ZNF541: variants seen among roughly 807,000 people sequenced by gnomAD.
ZNF541 encodes the protein zinc finger protein 541.
A neutral mutation model predicts 123.5 loss-of-function variants in ZNF541; 23 were observed. The observed-to-expected ratio is 0.19, with a 90% CI of 0.13 to 0.26. The LOEUF (loss-of-function observed/expected upper bound fraction) is 0.26. Among genes scored for constraint, ZNF541 ranks in the 10% least tolerant of loss-of-function variants. The pLI is 1.00. For synonymous variants in ZNF541, 751 were observed against 754.5 expected (o/e 1.00, Z 0.08); for missense variants, 1,612 against 1,789.9 (o/e 0.90, Z 1.79).
At chr19:47,529,229 T>C (rs966985518) in intron 13 of ZNF541, among the ~76,000 whole-genome samples, 191 bp from the exon 14 acceptor site, 3 of 152,186 alleles carry the variant, frequency 2.0e-5, no homozygotes, top group African/African-American at 7.2e-5. Context: ...ATGTGGCAAC[T>C]GAGGCTTCAG....
chr19:47,521,399 T>A lies in ZNF541; in HGVS notation c.3888-22A>T. ...CACCCTGAGGAGTCACCAGAGGACA[T>A]GGGGTCAGAGCAGGGAGGAAGGGAT... is the stretch of plus-strand genomic sequence containing the variant. On this transcript the variant is annotated intron_variant, in intron 16 of 16. Coordinates refer to ENST00000391901, the MANE Select transcript of ZNF541 (RefSeq NM_001277075.3). The surrounding 1 kb of genome is among the most constrained non-coding windows in gnomAD (Gnocchi z 4.2). The A allele has an allele frequency of 6.4e-7, 1 of 1,551,528 alleles. No individual in the cohort carries two copies. The highest frequency in any genetic ancestry group is 8.7e-7 in the Non-Finnish European group (1 of 1,146,832).
chr19:47,561,707 T>C (rs1446009077), intron 2 of ZNF541, among the ~76,000 whole-genome samples: 1 of 147,050 alleles, frequency 6.8e-6, no homozygotes, highest in Non-Finnish European at 1.5e-5. Context: ...GTTTTTTGTT[T>C]TCTGTTTTGT....
intron 2 of ZNF541, among the ~76,000 whole-genome samples, chr19:47,569,479 C>T (rs187912645): frequency 1.2e-4 from 18 of 152,216 alleles, no homozygotes; most frequent in South Asian, 6.2e-4. Context: ...GAAACCCTTA[C>T]GCTTGCCCGC....
At chr19:47,541,688 A>G (rs995009178) in intron 5 of ZNF541, among the ~76,000 whole-genome samples, 2 of 152,238 alleles carry the variant, frequency 1.3e-5, no homozygotes, top group Non-Finnish European at 2.9e-5. Flanking sequence ...GGAAATACAA[A>G]TCAAAACCAC....
intron 2 of ZNF541, among the ~76,000 whole-genome samples, chr19:47,565,446 C>G (rs149433987): frequency 1.3e-5 from 2 of 152,170 alleles, no homozygotes; most frequent in African/African-American, 4.8e-5. Flanking sequence ...AAAAGGACTA[C>G]TTAATTGCTT....
intron 9 of ZNF541, among the ~76,000 whole-genome samples, chr19:47,533,733 C>T (rs1325135102): frequency 6.6e-6 from 1 of 152,108 alleles, no homozygotes; most frequent in Non-Finnish European, 1.5e-5. Context: ...ATCCCAGCTA[C>T]TTGGGAGGCT....
At position 47,571,987 on chromosome 19, in the gene ZNF541, T is replaced by C. The variant is rs907191952; in HGVS notation, c.-190A>G. Among the ~76,000 whole-genome samples the C allele has an allele frequency of 2.0e-5, 3 of 152,166 alleles. No individual in the cohort carries two copies. The highest frequency in any genetic ancestry group is 2.9e-5 in the Non-Finnish European group (2 of 68,038). ...TTCAGGTGACAAGCAGACCACTGGA[T>C]ATGTCCTCCTGGAACACTGAGTGGT... is the stretch of plus-strand genomic sequence containing the variant. On this transcript the variant is annotated 5_prime_UTR_variant, in exon 2 of 17. The change creates a new upstream start codon in the 5' untranslated region. Coordinates refer to ENST00000391901, the MANE Select transcript of ZNF541 (RefSeq NM_001277075.3).
At chr19:47,531,541 C>T in intron 12 of ZNF541, 101 bp downstream of exon 12, 1 of 906,804 alleles carries the variant, frequency 1.1e-6, no homozygotes, top group Non-Finnish European at 1.6e-6. Flanking sequence ...GGCCTTCTTC[C>T]AGCTTCCATC....
intron 14 of ZNF541, 144 bp downstream of exon 14, chr19:47,528,806 T>C (rs1026197767): frequency 7.9e-6 from 5 of 634,360 alleles, no homozygotes. Flanking sequence ...AGGATAGCTT[T>C]TTGACATTGT....
intron 1 of ZNF541, among the ~76,000 whole-genome samples, chr19:47,572,456 G>T (rs917686884): frequency 1.4e-4 from 22 of 152,172 alleles, no homozygotes; most frequent in African/African-American, 5.3e-4. Context: ...AATTTTGCTG[G>T]AAAGTGATCC....
chr19:47,556,949 G>C (rs1249231939), intron 2 of ZNF541, among the ~76,000 whole-genome samples: 3 of 151,436 alleles, frequency 2.0e-5, no homozygotes, highest in Admixed American at 2.0e-4. Context: ...GTAGAGATAG[G>C]GTTTCACCAT....
chr19:47,537,336 G>A (rs766901518), intron 9 of ZNF541, among the ~76,000 whole-genome samples: 3 of 152,134 alleles, frequency 2.0e-5, no homozygotes, highest in Non-Finnish European at 4.4e-5. Flanking sequence ...GGCTGAGGAG[G>A]GTGGATCACT....
intron 2 of ZNF541, among the ~76,000 whole-genome samples, chr19:47,567,819 C>T (rs1358186102): frequency 5.9e-5 from 9 of 152,170 alleles, no homozygotes; most frequent in African/African-American, 2.2e-4. Flanking sequence ...GTTTATGACC[C>T]TCCAAATGAA....
intron 14 of ZNF541, among the ~76,000 whole-genome samples, chr19:47,523,797 C>T (rs2122853388): frequency 6.6e-6 from 1 of 152,244 alleles, no homozygotes; most frequent in African/African-American, 2.4e-5. Flanking sequence ...GAGCACAGTG[C>T]CTCCGGAGAC....
At chr19:47,533,021 C>T (rs188970602) in intron 9 of ZNF541, 49 bp from the exon 10 acceptor site, 15 of 1,518,256 alleles carry the variant, frequency 9.9e-6, no homozygotes, top group African/African-American at 2.8e-5. Context: ...AGCAGGTAAC[C>T]GACAGGGTCC....
chr19:47,545,635 T>G lies in ZNF541; in HGVS notation c.894A>C (p.Ser298=). Reference sequence around the variant, plus strand: ...AGGCAGTGTTCCTCCCTTCGCTGTCTGAAGCCCCCGCCGGGGCTGGGCCAG... The same window carrying G: ...AGGCAGTGTTCCTCCCTTCGCTGTCGGAAGCCCCCGCCGGGGCTGGGCCAG... ...PSPGPAPAGA[S]DSEGRNTACP... is the part of the protein sequence containing the mutation. Residue 298 remains serine (S), a synonymous_variant, in exon 5 of 17, where the codon TCA becomes TCC. Transcript: ENST00000391901. The surrounding 1 kb of genome is among the most constrained non-coding windows in gnomAD (Gnocchi z 7.5). 1 of 1,549,572 alleles carries G rather than the reference T, an allele frequency of 6.5e-7. No homozygotes were observed. The highest frequency in any genetic ancestry group is 1.4e-5 in the African/African-American group (1 of 72,934).
chr19:47,551,979 T>A (rs1970618989), intron 3 of ZNF541, among the ~76,000 whole-genome samples: 1 of 152,194 alleles, frequency 6.6e-6, no homozygotes, highest in African/African-American at 2.4e-5. Context: ...TGCGTCAGCC[T>A]CCTGAGTGGC....
chr19:47,523,339 TAAAAA>T lies in ZNF541; in HGVS notation c.3571-1350_3571-1346del, dbSNP rs75366644. On this transcript the variant is annotated intron_variant, in intron 14 of 16. Coordinates refer to ENST00000391901, the MANE Select transcript of ZNF541 (RefSeq NM_001277075.3). ...CACCGCGCCCGGCGAGCGTCTCTTT[TAAAAA>T]AAAAAAAAAAAAAAAAAAGGAAAAG... Among the ~76,000 whole-genome samples the T allele has an allele frequency of 8.4e-4, 89 of 105,728 alleles. 2 individuals carry two copies. Among genetic ancestry groups the T allele is most frequent in the African/African-American group, 3.7e-3 (84 of 22,546 alleles). 69.4% of individuals were successfully genotyped at this position (105,728 alleles called of 152,430 possible). A position where few individuals can be genotyped will look rare whatever the true frequency, so the allele number is the denominator to read the frequency against.
At chr19:47,525,288 A>C (rs75512927) in intron 14 of ZNF541, among the ~76,000 whole-genome samples, 1 of 147,824 alleles carries the variant, frequency 6.8e-6, no homozygotes, top group East Asian at 1.9e-4. Context: ...TCTGTCTCCA[A>C]AAAAAAAAAA....
Sources: gnomAD v4.1 joint callset for allele counts (sites outside exome capture counted in the v4.1 genomes callset) on GRCh38, gnomAD v4.1.1 for gene constraint, Gnocchi (gnomAD v3.1) non-coding constraint, MANE v1.5 for transcripts, NCBI Gene and HGNC (gene_info 2026-07-23, HGNC 2026-07-21) for gene names.